The following LRRC37A2 variants were observed in gnomAD, a reference collection of about 807,000 sequenced individuals.
The protein encoded by LRRC37A2 is leucine rich repeat containing 37 member A2.
Under a neutral mutation model 68.8 loss-of-function variants are expected in LRRC37A2, and 9 were observed. The observed-to-expected ratio is 0.13, with a 90% CI of 0.08 to 0.23. The LOEUF (loss-of-function observed/expected upper bound fraction) is 0.23. LRRC37A2 is among the 10% of genes least tolerant of loss of function. The probability of loss-of-function intolerance (pLI) is 1.00; values close to 1 mark genes in which losing one functional copy is unlikely to be tolerated. For synonymous variants in LRRC37A2, 63 were observed against 367.6 expected (o/e 0.17, Z 9.48); for missense variants, 168 against 950.4 (o/e 0.18, Z 10.82).
At chr17:46,835,207 C>T in the LRRC37A2 span, among the ~76,000 whole-genome samples, 2 of 151,594 alleles carry the variant, frequency 1.3e-5, no homozygotes, top group East Asian at 1.9e-4. Context: ...CCATGTTGTC[C>T]CTTATTCTTT....
chr17:46,819,823 T>G, the LRRC37A2 span, among the ~76,000 whole-genome samples: 2 of 152,178 alleles, frequency 1.3e-5, no homozygotes, highest in Non-Finnish European at 2.9e-5. The surrounding 1 kb of genome is among the most constrained non-coding windows in gnomAD (Gnocchi z 5.3). Context: ...AGCGAGGAAT[T>G]AGGTCTCAGC....
the LRRC37A2 span, among the ~76,000 whole-genome samples, chr17:46,925,372 A>G: frequency 3.3e-5 from 5 of 152,186 alleles, no homozygotes; most frequent in African/African-American, 1.2e-4. Flanking sequence ...AGCACCTACT[A>G]TGTGCTGTGC....
chr17:46,991,254 T>C, the LRRC37A2 span, among the ~76,000 whole-genome samples: 2 of 152,186 alleles, frequency 1.3e-5, no homozygotes, highest in African/African-American at 2.4e-5. Flanking sequence ...TTATAAAATA[T>C]GCCAACAGAA....
the LRRC37A2 span, among the ~76,000 whole-genome samples, chr17:46,836,988 GC>G: frequency 6.6e-6 from 1 of 152,126 alleles, no homozygotes; most frequent in East Asian, 1.9e-4. Flanking sequence ...TGTCGCCCAG[GC>G]TGTAGTGCAG....
the LRRC37A2 span, chr17:47,017,619 C>T: frequency 6.3e-7 from 1 of 1,578,502 alleles, no homozygotes; most frequent in East Asian, 2.2e-5. Context: ...ACAGGAAAGG[C>T]TCCCTGTTTC....
At chr17:46,533,411 A>G (rs2054016381) in intron 6 of LRRC37A2, among the ~76,000 whole-genome samples, 1 of 119,046 alleles carries the variant, frequency 8.4e-6, no homozygotes, top group South Asian at 2.5e-4. Context: ...CCTCCTTTAT[A>G]CTGTTATTGT....
chr17:46,440,297 A>G, the LRRC37A2 span, among the ~76,000 whole-genome samples: 2 of 61,352 alleles, frequency 3.3e-5, no homozygotes, highest in African/African-American at 9.7e-5. Context: ...AGTGTATAAC[A>G]GCAAAGCCTA....
the LRRC37A2 span, among the ~76,000 whole-genome samples, chr17:46,389,215 A>G: frequency 6.6e-6 from 1 of 151,780 alleles, no homozygotes; most frequent in Non-Finnish European, 1.5e-5. Flanking sequence ...AAATAAATAA[A>G]TAAAAGCAAG....
chr17:46,778,529 C>T, the LRRC37A2 span, among the ~76,000 whole-genome samples: 1 of 152,044 alleles, frequency 6.6e-6, no homozygotes, highest in Non-Finnish European at 1.5e-5. Flanking sequence ...CCCGGCCACC[C>T]CCACCCTGAG....
chr17:46,923,036 G>T, the LRRC37A2 span: 12 of 662,526 alleles, frequency 1.8e-5, no homozygotes, highest in East Asian at 3.0e-4. Flanking sequence ...CCCCTTCTCC[G>T]ATCTCGCAAC....
the LRRC37A2 span, among the ~76,000 whole-genome samples, chr17:46,860,773 G>A: frequency 6.6e-6 from 1 of 152,196 alleles, no homozygotes; most frequent in African/African-American, 2.4e-5. Flanking sequence ...TCTGTGCTCA[G>A]CACTTTATGT....
At chr17:46,868,157 TCAGGCAGTAGCCCCCAGCC>T in the LRRC37A2 span, among the ~76,000 whole-genome samples, 1 of 152,060 alleles carries the variant, frequency 6.6e-6, no homozygotes, top group Non-Finnish European at 1.5e-5. Flanking sequence ...AGCACCTGAG[TCAGGCAGTAGCCCCCAGCC>T]CAGAAGAGCA....
At chr17:46,876,193 T>C in the LRRC37A2 span, 1 of 1,511,624 alleles carries the variant, frequency 6.6e-7, no homozygotes, top group Non-Finnish European at 8.9e-7. Flanking sequence ...GGGCAGGCTC[T>C]GGCTGCTGGG....
At chr17:46,775,774 C>T in the LRRC37A2 span, among the ~76,000 whole-genome samples, 17 of 151,818 alleles carry the variant, frequency 1.1e-4, no homozygotes, top group African/African-American at 3.1e-4. Flanking sequence ...CCACCACGCC[C>T]GGCTAATTTT....
the LRRC37A2 span, among the ~76,000 whole-genome samples, chr17:46,741,990 G>A: frequency 3.3e-5 from 5 of 152,118 alleles, no homozygotes; most frequent in Non-Finnish European, 5.9e-5. Flanking sequence ...TCCTGACCTC[G>A]TGATCCACCC....
chr17:46,940,302 C>A, the LRRC37A2 span: 7 of 1,441,082 alleles, frequency 4.9e-6, no homozygotes, highest in East Asian at 1.0e-4. Context: ...CAAATGGGCC[C>A]CAGGTTTCCA....
chr17:46,813,145 C>T, the LRRC37A2 span, among the ~76,000 whole-genome samples: 27 of 151,988 alleles, frequency 1.8e-4, no homozygotes, highest in East Asian at 3.9e-4. Flanking sequence ...CAGAAAGAAA[C>T]GGGTGGACTG....
At chr17:46,718,048 C>A in the LRRC37A2 span, among the ~76,000 whole-genome samples, 1 of 152,218 alleles carries the variant, frequency 6.6e-6, no homozygotes, top group East Asian at 1.9e-4. Flanking sequence ...CTTTCTCCCT[C>A]AGAGTGACAC....
the LRRC37A2 span, among the ~76,000 whole-genome samples, chr17:46,934,415 A>G: frequency 6.6e-6 from 1 of 152,172 alleles, no homozygotes; most frequent in Admixed American, 6.5e-5. Flanking sequence ...CCAGCTACTC[A>G]GAAGGCTGAG....
Sources: allele counts gnomAD v4.1 joint callset (sites outside exome capture counted in the v4.1 genomes callset), GRCh38; gene constraint gnomAD v4.1.1; non-coding constraint Gnocchi (gnomAD v3.1); transcripts MANE v1.5; gene names NCBI Gene and HGNC (gene_info 2026-07-23, HGNC 2026-07-21).